VWA8: variants seen among roughly 807,000 people sequenced by gnomAD.
VWA8 encodes von Willebrand factor A domain containing 8.
In VWA8, 221 loss-of-function variants were observed where a neutral mutation model predicts 241.5. The ratio of observed to expected loss-of-function variants is 0.91; its 90% CI spans 0.82 to 1.02. VWA8 has a LOEUF of 1.02. Among genes scored for constraint, VWA8 ranks in the 50% least tolerant of loss-of-function variants. The pLI, the probability that VWA8 is intolerant of heterozygous loss-of-function variation, is 0.00. For missense variants in VWA8, 2,322 were observed against 2,328.7 expected (o/e 1.00, Z 0.06); for synonymous variants, 852 against 827.1 (o/e 1.03, Z -0.52).
chr13:41,586,599 G>T (rs563065758), intron 42 of VWA8, among the ~76,000 whole-genome samples: 1 of 152,256 alleles, frequency 6.6e-6, no homozygotes, highest in South Asian at 2.1e-4. Flanking sequence ...TAAAGTACCT[G>T]AAGTGATGGG....
chr13:41,785,128 A>G (rs995156230), intron 18 of VWA8, among the ~76,000 whole-genome samples: 1 of 152,098 alleles, frequency 6.6e-6, no homozygotes. Flanking sequence ...GTATTTTAGT[A>G]ATACTAATGA....
At position 41,690,156 on chromosome 13, in the gene VWA8, T is replaced by C. The variant is rs752430164; in HGVS notation, c.3976+10A>G. On this transcript the variant is annotated intron_variant, in intron 33 of 44. Transcript: ENST00000379310. The stretch of plus-strand genomic sequence containing the variant: ...CACACAGCCATAAACACAGATGACA[T>C]AGTATTTACCTTGTGTAACTCCAAA... The C allele has an allele frequency of 6.2e-7, 1 of 1,607,900 alleles. No individual in the cohort carries two copies. The highest frequency in any genetic ancestry group is 8.5e-7 in the Non-Finnish European group (1 of 1,175,570).
At position 41,587,447 on chromosome 13, in the gene VWA8, T is replaced by C. The variant is rs1180067724; in HGVS notation, c.5271+65A>G. ...GATTTTCATTCACTCTGGATGGAGT[T>C]TGAATCCACCTATCCATCATCATGG... On this transcript the variant is annotated intron_variant, in intron 42 of 44. Transcript: ENST00000379310. The C allele has an allele frequency of 1.4e-5, 23 of 1,592,436 alleles. 1 individual carries two copies. The South Asian group carries it at 2.4e-4, about 16-fold the overall frequency.
intron 18 of VWA8, among the ~76,000 whole-genome samples, chr13:41,784,737 C>CACACACATATAT (rs1191810226): frequency 1.4e-5 from 1 of 72,562 alleles, no homozygotes; most frequent in Non-Finnish European, 2.9e-5. Flanking sequence ...TATACACACA[C>CACACACATATAT]ATATATATAT....
At chr13:41,850,927 A>C (rs1566481177) in intron 12 of VWA8, among the ~76,000 whole-genome samples, 1 of 152,206 alleles carries the variant, frequency 6.6e-6, no homozygotes, top group Non-Finnish European at 1.5e-5. Context: ...AGCTAAAGAG[A>C]ACACAGGCTA....
rs774579164 is a variant in VWA8, at chr13:41,732,087, G to A, written c.2495C>T (p.Ser832Leu). 4 of 1,611,646 alleles carry A rather than the reference G, an allele frequency of 2.5e-6. No individual in the cohort carries two copies. The Admixed American group carries it at 5.0e-5, about 20-fold the overall frequency. ...VKDGLIVYED[S>L]PLVKAVKLGH... ...TATGATTAGGTTACTAACCAAAGGT[G>A]AGTCTTCATATACAATAAGTCCGTC... The change falls in exon 22 of 45, where the codon TCA becomes TTA. Residue 832 changes from serine to leucine, a missense_variant. Physicochemically the swap from Ser to Leu is moderately radical, Grantham distance 145. Transcript: ENST00000379310.
At chr13:41,624,129 T>C (rs757896676) in intron 37 of VWA8, among the ~76,000 whole-genome samples, 4 of 152,072 alleles carry the variant, frequency 2.6e-5, no homozygotes, top group Admixed American at 6.6e-5. Context: ...CAGGAAGAAA[T>C]TGAATACCTG....
intron 18 of VWA8, among the ~76,000 whole-genome samples, 164 bp from the exon 19 acceptor site, chr13:41,784,065 T>C (rs949049895): frequency 2.6e-5 from 4 of 151,820 alleles, no homozygotes; most frequent in Non-Finnish European, 5.9e-5. Flanking sequence ...CAGCTCTAGA[T>C]ACAAAATGCT....
intron 43 of VWA8, among the ~76,000 whole-genome samples, chr13:41,573,474 TAA>T (rs543021636): frequency 0.041 from 5,143 of 126,518 alleles, 165 homozygotes; most frequent in South Asian, 0.06. Context: ...GGCTATAGTT[TAA>T]AAAAAAAAAA....
At chr13:41,779,120 C>T (rs1195888915) in intron 19 of VWA8, among the ~76,000 whole-genome samples, 1 of 149,806 alleles carries the variant, frequency 6.7e-6, no homozygotes, top group Non-Finnish European at 1.5e-5. Context: ...GGATTACAGG[C>T]GTGAGCCACC....
intron 18 of VWA8, 68 bp from the exon 19 acceptor site, chr13:41,783,969 A>G: frequency 1.8e-6 from 2 of 1,115,478 alleles, no homozygotes; most frequent in Middle Eastern, 3.9e-4. Context: ...GCCACCCAAC[A>G]CAGAATGCAA....
At chr13:41,643,084 C>G (rs752691219) in intron 37 of VWA8, among the ~76,000 whole-genome samples, 15 of 152,178 alleles carry the variant, frequency 9.9e-5, no homozygotes, top group Non-Finnish European at 2.2e-4. Context: ...AAAGGTGATC[C>G]TGACAGCTAG....
chr13:41,804,539 A>T lies in VWA8; in HGVS notation c.2063+6686T>A, dbSNP rs556505278. Reference sequence around the variant, plus strand: ...GAATTAAAAAATTAATTTAAAAATTAAAAAAAAATTAATGAGCAGTAAGAA... The same window carrying T: ...GAATTAAAAAATTAATTTAAAAATTTAAAAAAAATTAATGAGCAGTAAGAA... On this transcript the variant is annotated intron_variant, in intron 17 of 44. Transcript: ENST00000379310. Among the ~76,000 whole-genome samples the T allele has an allele frequency of 1.1e-4, 17 of 150,388 alleles. No homozygotes were observed. The East Asian group carries it at 3.3e-3, about 29-fold the overall frequency.
rs116017342 is a variant in VWA8 at position 41,597,815 on chromosome 13, C to T, written c.4987-7050G>A. Among the ~76,000 whole-genome samples, 169 of 145,946 alleles carry T rather than the reference C, an allele frequency of 1.2e-3. 2 individuals carry two copies. The highest frequency in any genetic ancestry group is 3.9e-3 in the African/African-American group (160 of 41,378). On this transcript the variant is annotated intron_variant, in intron 40 of 44. Transcript: ENST00000379310. The stretch of plus-strand genomic sequence containing the variant: ...CCCCATCTCAGTGAAGGGCAAGAGG[C>T]AACCCCACTCTTCCAGTTGTTCAGG...
chr13:41,573,486 A>AATATAT (rs1555303590), intron 43 of VWA8, among the ~76,000 whole-genome samples: 6 of 113,614 alleles, frequency 5.3e-5, no homozygotes, highest in South Asian at 6.2e-4. Context: ...AAAAAAAAAA[A>AATATAT]ATATATATAT....
intron 37 of VWA8, among the ~76,000 whole-genome samples, chr13:41,654,782 G>A (rs981402664): frequency 3.3e-5 from 5 of 152,130 alleles, no homozygotes. Context: ...GAAAACATCA[G>A]ATGAACCCAG....
At chr13:41,585,018 C>T (rs999924705) in intron 42 of VWA8, among the ~76,000 whole-genome samples, 29 of 151,470 alleles carry the variant, frequency 1.9e-4, no homozygotes, top group Middle Eastern at 3.2e-3. Context: ...TTTGTAATTT[C>T]GCGGAATTTA....
At chr13:41,663,711 C>A (rs1056705604) in intron 37 of VWA8, among the ~76,000 whole-genome samples, 2 of 151,868 alleles carry the variant, frequency 1.3e-5, no homozygotes, top group African/African-American at 4.8e-5. Context: ...AAAGTGCTAT[C>A]ATAAACAAAT....
chr13:41,864,554 A>G, intron 12 of VWA8: 1 of 415,766 alleles, frequency 2.4e-6, no homozygotes, highest in Non-Finnish European at 4.7e-6. Flanking sequence ...TGAAAACATT[A>G]TGGTAAGTAA....
Sources: gnomAD v4.1 joint callset for allele counts (sites outside exome capture counted in the v4.1 genomes callset) on GRCh38, gnomAD v4.1.1 for gene constraint, MANE v1.5 for transcripts, NCBI Gene and HGNC (gene_info 2026-07-23, HGNC 2026-07-21) for gene names.